Variants in ODR4 observed in about 807,000 individuals in gnomAD.
The protein encoded by ODR4 is protein odr-4 homolog.
In ODR4, 47 loss-of-function variants were observed where a neutral mutation model predicts 60.2. The ratio of observed to expected loss-of-function variants is 0.78; its 90% confidence interval spans 0.62 to 1.00. The LOEUF (loss-of-function observed/expected upper bound fraction) is 1.00. ODR4 is among the 50% of genes least tolerant of loss of function. ODR4 has a pLI of 0.00. For synonymous variants in ODR4, 178 were observed against 175.5 expected (o/e 1.01, Z -0.11); for missense variants, 488 against 530.8 (o/e 0.92, Z 0.79).
In ODR4 at chr1:186,405,268, A is replaced by G. The variant is rs181228035; in HGVS notation, c.1001-815A>G. 2.8e-3 allele frequency among the ~76,000 whole-genome samples: 426 copies of G among 152,300 alleles called. 1 individual carries two copies. The highest frequency in any genetic ancestry group is 4.6e-3 in the Non-Finnish European group (313 of 68,020). ...ATGCTTGATATATAGGAAGGGGGCT[A>G]CATCTAGTAAGATGAAATTCATGGG... On this transcript the variant is annotated intron_variant, in intron 11 of 13. Coordinates refer to ENST00000287859, the MANE Select transcript of ODR4 (RefSeq NM_017847.6).
At chr1:186,394,044 A>G in intron 9 of ODR4, 29 bp downstream of exon 9, 2 of 1,137,982 alleles carry the variant, frequency 1.8e-6, no homozygotes, top group East Asian at 2.6e-5. Context: ...CACTTAAAAT[A>G]TTTATTAGCA....
intron 6 of ODR4, among the ~76,000 whole-genome samples, chr1:186,390,471 T>G (rs185482644): frequency 2.6e-5 from 4 of 152,318 alleles, no homozygotes; most frequent in Admixed American, 2.0e-4. Context: ...TTCTGATTCT[T>G]TTTCTGCCTA....
intron 9 of ODR4, among the ~76,000 whole-genome samples, chr1:186,395,954 C>G (rs1241825145): frequency 6.6e-6 from 1 of 152,060 alleles, no homozygotes; most frequent in Non-Finnish European, 1.5e-5. Context: ...CCTTTTTGTT[C>G]TTATTTTCTA....
chr1:186,395,150 A>C (rs933199522), intron 9 of ODR4, among the ~76,000 whole-genome samples: 2 of 152,192 alleles, frequency 1.3e-5, no homozygotes. Flanking sequence ...GCTGGAGTGC[A>C]GTGGTGCGAT....
At chr1:186,407,613 A>G (rs74666968) in intron 12 of ODR4, among the ~76,000 whole-genome samples, 1,563 of 152,198 alleles carry the variant, frequency 0.01, 9 homozygotes, top group Non-Finnish European at 0.016. Context: ...CTAAATACCA[A>G]TCTGCCTCCC....
intron 4 of ODR4, among the ~76,000 whole-genome samples, 192 bp from the exon 5 acceptor site, chr1:186,388,250 G>A (rs1660325182): frequency 6.6e-6 from 1 of 152,160 alleles, no homozygotes; most frequent in African/African-American, 2.4e-5. Flanking sequence ...GGGAAGCTGA[G>A]GTGAGAGAAT....
At chr1:186,432,399 T>C in the ODR4 span, among the ~76,000 whole-genome samples, 1 of 152,218 alleles carries the variant, frequency 6.6e-6, no homozygotes, top group Non-Finnish European at 1.5e-5. Flanking sequence ...TTTAATAAAA[T>C]GAGTTGATAA....
At chr1:186,423,192 TA>T (rs1661824035), downstream of ODR4, among the ~76,000 whole-genome samples, 1 of 152,188 alleles carries the variant, frequency 6.6e-6, no homozygotes, top group Admixed American at 6.5e-5. Flanking sequence ...TCTAACATTT[TA>T]TACAAGCTCT....
chr1:186,433,578 T>C, the ODR4 span, among the ~76,000 whole-genome samples: 3 of 152,076 alleles, frequency 2.0e-5, no homozygotes, highest in Non-Finnish European at 4.4e-5. Flanking sequence ...TTTATTTTTA[T>C]TATTTTATTA....
chr1:186,415,427 A>G (rs1661528139), intron 12 of ODR4, among the ~76,000 whole-genome samples: 1 of 152,218 alleles, frequency 6.6e-6, no homozygotes, highest in African/African-American at 2.4e-5. Flanking sequence ...TTAAACAGTA[A>G]TATTTACTAT....
At chr1:186,423,706 C>T (rs778974026), downstream of ODR4, among the ~76,000 whole-genome samples, 7 of 151,910 alleles carry the variant, frequency 4.6e-5, no homozygotes, top group South Asian at 4.2e-4. Flanking sequence ...CTGCCTGCCT[C>T]GGCCTCCTAA....
In ODR4 at chr1:186,406,273, T is replaced by C. The variant is rs1238399712; in HGVS notation, c.1186+5T>C. ...TTGCAGAGGAAACAAACACAGGTCA[T>C]TATATGATGCTATTTAAGAACCTGG... On this transcript the variant is annotated splice_donor_5th_base_variant and intron_variant, in intron 12 of 13. Coordinates refer to ENST00000287859, the MANE Select transcript of ODR4 (RefSeq NM_017847.6). The C allele has an allele frequency of 6.3e-7, 1 of 1,579,418 alleles. No homozygotes were observed. The highest frequency in any genetic ancestry group is 1.4e-5 in the African/African-American group (1 of 73,414).
At chr1:186,404,629 C>T (rs1661106929) in intron 11 of ODR4, among the ~76,000 whole-genome samples, 1 of 152,192 alleles carries the variant, frequency 6.6e-6, no homozygotes, top group African/African-American at 2.4e-5. Flanking sequence ...TCTTCTACAG[C>T]TAGGAGGCAG....
downstream of ODR4, among the ~76,000 whole-genome samples, chr1:186,421,721 G>A (rs1558107837): frequency 6.6e-6 from 1 of 151,982 alleles, no homozygotes; most frequent in East Asian, 1.9e-4. Context: ...AAAATCAGCT[G>A]CGTGTGATGG....
At chr1:186,428,993 G>A in the ODR4 span, among the ~76,000 whole-genome samples, 2 of 152,090 alleles carry the variant, frequency 1.3e-5, no homozygotes, top group South Asian at 2.1e-4. Flanking sequence ...CCTATAATCC[G>A]AGCACTTTGG....
chr1:186,390,664 T>C (rs1230097580), intron 6 of ODR4, 47 bp from the exon 7 acceptor site: 2 of 1,587,466 alleles, frequency 1.3e-6, no homozygotes, highest in South Asian at 2.2e-5. Context: ...TCCATGTATT[T>C]TATCTAGACT....
intron 3 of ODR4, among the ~76,000 whole-genome samples, chr1:186,385,055 T>C (rs1310376747): frequency 6.6e-6 from 1 of 152,100 alleles, no homozygotes; most frequent in East Asian, 1.9e-4. Flanking sequence ...TGGTAGTATG[T>C]ATCAAAAACC....
At chr1:186,392,482 T>C (rs990869841) in intron 8 of ODR4, among the ~76,000 whole-genome samples, 1 of 152,172 alleles carries the variant, frequency 6.6e-6, no homozygotes, top group Non-Finnish European at 1.5e-5. Context: ...TCATGTCCTT[T>C]GCAGGAACAT....
At position 186,419,044 on chromosome 1, in the gene ODR4, G is replaced by A; in HGVS notation, c.1333G>A (p.Ala445Thr). 1 of 1,610,806 alleles carries A rather than the reference G, an allele frequency of 6.2e-7. No individual in the cohort carries two copies. Among genetic ancestry groups the A allele is most frequent in the Non-Finnish European group, 8.5e-7 (1 of 1,178,416 alleles). Residue 445 changes from alanine to threonine, a missense_variant, in exon 14 of 14, where the codon GCG becomes ACG. Physicochemically the swap from Ala to Thr is moderately conservative, Grantham distance 58. Transcript: ENST00000287859. ...IAAFTVAVLA[A>T]GISFHYFSD Reference sequence around the variant, plus strand: ...AGCATTTACAGTTGCAGTCCTTGCTGCGGGTATCTCCTTTCATTACTTCAG... The same window carrying A: ...AGCATTTACAGTTGCAGTCCTTGCTACGGGTATCTCCTTTCATTACTTCAG...
Sources: gnomAD v4.1 joint callset for allele counts (sites outside exome capture counted in the v4.1 genomes callset) on GRCh38, gnomAD v4.1.1 for gene constraint, MANE v1.5 for transcripts, NCBI Gene and HGNC (gene_info 2026-07-23, HGNC 2026-07-21) for gene names.